The following DMD variants were observed in gnomAD, a reference collection of about 807,000 sequenced individuals.
DMD encodes the protein dystrophin, also known as mutant dystrophin.
A neutral mutation model predicts 330.1 loss-of-function variants in DMD; 63 were observed. The observed-to-expected ratio is 0.19, with a 90% confidence interval of 0.16 to 0.24. DMD has a LOEUF of 0.24. DMD is among the 10% of genes least tolerant of loss of function. DMD has a pLI of 1.00. For synonymous variants in DMD, 1,223 were observed against 959.8 expected (o/e 1.27, Z -5.07); for missense variants, 3,344 against 2,684.1 (o/e 1.25, Z -5.43).
intron 9 of DMD, among the ~76,000 whole-genome samples, chrX:32,672,025 T>C: frequency 8.9e-6 from 1 of 111,733 alleles, no homozygotes; most frequent in Non-Finnish European, 1.9e-5. Flanking sequence ...AAGCACATTC[T>C]GAAAGCCAAT....
chrX:32,582,139 A>G (rs2053716632), intron 13 of DMD, among the ~76,000 whole-genome samples: 2 of 111,495 alleles, frequency 1.8e-5, no homozygotes, highest in Admixed American at 1.9e-4. Flanking sequence ...CAATACTCCC[A>G]TTGTACTAGA....
chrX:32,683,734 G>A (rs909112471), intron 9 of DMD, among the ~76,000 whole-genome samples: 1 of 105,814 alleles, frequency 9.5e-6, no homozygotes, highest in Admixed American at 1.0e-4. Context: ...CATGGCACAT[G>A]TATACATATG....
chrX:32,808,575 G>C (rs1371390822), intron 7 of DMD, among the ~76,000 whole-genome samples: 1 of 107,362 alleles, frequency 9.3e-6, no homozygotes, highest in African/African-American at 3.7e-5. Context: ...CTGTCTTCTG[G>C]GTCATTTTTG....
intron 54 of DMD, among the ~76,000 whole-genome samples, chrX:31,631,211 T>C (rs773558953): frequency 4.5e-5 from 5 of 110,607 alleles, no homozygotes; most frequent in African/African-American, 1.6e-4. Context: ...AGAATCACAG[T>C]TGCCAGGAAC....
chrX:32,458,785 C>T (rs1474377541), intron 25 of DMD, among the ~76,000 whole-genome samples: 1 of 111,513 alleles, frequency 9.0e-6, no homozygotes, highest in Non-Finnish European at 1.9e-5. Flanking sequence ...GTCATTTCTA[C>T]GTATTCTTTA....
Position 32,676,000 on chromosome X carries a change from T to C in DMD, c.960+21870A>G, listed in dbSNP as rs945552371. ...AATAAAATGATTCAGAGCCCAGAAA[T>C]TGGAAAACTTGGGTTGAGTGACATA... On this transcript the variant is annotated intron_variant, in intron 9 of 78. Coordinates refer to ENST00000357033, the MANE Select transcript of DMD (RefSeq NM_004006.3). Among the ~76,000 whole-genome samples, 23 of 111,205 alleles carry C rather than the reference T, an allele frequency of 2.1e-4. 2 individuals carry two copies. Among genetic ancestry groups the C allele is most frequent in the Admixed American group, 1.7e-3 (18 of 10,392 alleles).
intron 56 of DMD, among the ~76,000 whole-genome samples, chrX:31,502,937 A>T (rs1038215886): frequency 1.8e-5 from 2 of 111,988 alleles, no homozygotes; most frequent in Non-Finnish European, 3.8e-5. Context: ...ATGTGTGTGT[A>T]CATTTAAGTA....
At chrX:32,726,199 T>C (rs1001209907) in intron 7 of DMD, among the ~76,000 whole-genome samples, 1 of 111,501 alleles carries the variant, frequency 9.0e-6, no homozygotes, top group African/African-American at 3.2e-5. Context: ...AATCAACCCA[T>C]GAACAAATGT....
At chrX:31,597,303 G>T (rs1007973298) in intron 55 of DMD, among the ~76,000 whole-genome samples, 3 of 111,739 alleles carry the variant, frequency 2.7e-5, no homozygotes, top group Non-Finnish European at 5.6e-5. Context: ...GGCTTTGAGG[G>T]GTGGAGAGTG....
intron 7 of DMD, among the ~76,000 whole-genome samples, chrX:32,741,358 A>G (rs1044548972): frequency 9.0e-6 from 1 of 111,438 alleles, no homozygotes; most frequent in Non-Finnish European, 1.9e-5. Context: ...CATCTGCAAT[A>G]TATTTTTTCA....
chrX:31,263,939 GA>G (rs1304053605), intron 62 of DMD, among the ~76,000 whole-genome samples: 2 of 112,072 alleles, frequency 1.8e-5, no homozygotes, highest in African/African-American at 6.5e-5. Flanking sequence ...ACTATATGAC[GA>G]ACCAAATATT....
intron 1 of DMD, among the ~76,000 whole-genome samples, chrX:33,050,413 T>C (rs1187277783): frequency 1.3e-4 from 14 of 111,123 alleles, no homozygotes; most frequent in Non-Finnish European, 3.8e-5. Context: ...TTAAACTAGA[T>C]TTTTTTTAAA....
intron 7 of DMD, among the ~76,000 whole-genome samples, chrX:32,726,181 G>A (rs948766693): frequency 2.7e-5 from 3 of 110,834 alleles, no homozygotes; most frequent in African/African-American, 9.8e-5. Flanking sequence ...GACACTGCGG[G>A]GTTAGCAAAT....
Position 32,408,524 on chromosome X carries a change from CA to C in DMD, c.4233+3227del, listed in dbSNP as rs200269011. ...GAGGATCTCAAACGATCTTAAAATG[CA>C]GAAAAAATAATGCTCTAAAAGATTC... On this transcript the variant is annotated intron_variant, in intron 30 of 78. Transcript: ENST00000357033. Among the ~76,000 whole-genome samples, 3 of 111,434 alleles carry C rather than the reference CA, an allele frequency of 2.7e-5. No homozygotes were observed. In the East Asian group the frequency reaches 8.5e-4, roughly 32 times the overall value.
At chrX:31,148,524 T>C (rs1179624738) in intron 74 of DMD, among the ~76,000 whole-genome samples, 2 of 112,704 alleles carry the variant, frequency 1.8e-5, no homozygotes, top group Non-Finnish European at 3.7e-5. Context: ...TTTTTATACC[T>C]ATCTCCTTGG....
At chrX:33,311,675 A>C (rs917139748) in intron 1 of DMD, among the ~76,000 whole-genome samples, 1 of 110,386 alleles carries the variant, frequency 9.1e-6, no homozygotes, top group African/African-American at 3.3e-5. Context: ...AAATAGAGGT[A>C]AAGGGCTCTA....
At chrX:33,231,825 G>A (rs1004016123) in intron 1 of DMD, among the ~76,000 whole-genome samples, 4 of 111,591 alleles carry the variant, frequency 3.6e-5, no homozygotes, top group African/African-American at 1.3e-4. Context: ...CACAAAGAGA[G>A]TGGAGGTCAA....
chrX:32,503,551 G>T (rs1238686517), intron 18 of DMD, among the ~76,000 whole-genome samples: 5 of 111,094 alleles, frequency 4.5e-5, no homozygotes, highest in Non-Finnish European at 1.9e-5. Flanking sequence ...CAAATGTAAA[G>T]CTTTTTGTTT....
chrX:32,904,620 G>A (rs1027128313), intron 2 of DMD, among the ~76,000 whole-genome samples: 10 of 111,878 alleles, frequency 8.9e-5, no homozygotes, highest in African/African-American at 2.6e-4. Context: ...TGTCACCCAG[G>A]CTGGAGTGCA....
Sources: gnomAD v4.1 joint callset for allele counts (sites outside exome capture counted in the v4.1 genomes callset) on GRCh38, gnomAD v4.1.1 for gene constraint, MANE v1.5 for transcripts, NCBI Gene and HGNC (gene_info 2026-07-23, HGNC 2026-07-21) for gene names.